Variants in IGF1R observed in about 807,000 individuals in gnomAD.
IGF1R encodes insulin-like growth factor 1 receptor.
A neutral mutation model predicts 144.6 loss-of-function variants in IGF1R; 44 were observed. The ratio of observed to expected loss-of-function variants is 0.30; its 90% CI spans 0.24 to 0.39. The LOEUF (loss-of-function observed/expected upper bound fraction) is 0.39. Ranked by LOEUF, IGF1R falls within the 10% of genes least tolerant of loss-of-function variation. IGF1R has a pLI of 1.00. For synonymous variants in IGF1R, 795 were observed against 722.8 expected, an observed-to-expected ratio of 1.10 and a Z score of -1.60; for missense variants, 1,355 against 1,833.7, an observed-to-expected ratio of 0.74 and a Z score of 4.77.
chr15:98,840,928 G>T (rs568178596), intron 2 of IGF1R, among the ~76,000 whole-genome samples: 1 of 152,222 alleles, frequency 6.6e-6, no homozygotes, highest in East Asian at 1.9e-4. Flanking sequence ...TGATCCGCCC[G>T]CCTCGGCCTC....
chr15:98,715,806 C>T (rs2054100283), intron 2 of IGF1R, among the ~76,000 whole-genome samples: 1 of 152,180 alleles, frequency 6.6e-6, no homozygotes, highest in South Asian at 2.1e-4. Context: ...GTTCCCCTGA[C>T]TTGGAGGTAG....
chr15:98,769,601 CTAGTAATT>C (rs1234559397), intron 2 of IGF1R, among the ~76,000 whole-genome samples: 2 of 152,112 alleles, frequency 1.3e-5, no homozygotes, highest in Non-Finnish European at 2.9e-5. Flanking sequence ...TGTTGTACTG[CTAGTAATT>C]AAAACTGAAG....
Position 98,649,414 on chromosome 15 carries a change from C to T in IGF1R, c.-168C>T, listed in dbSNP as rs2052283419. ...CGCCCCGTCCGCGCACCCGGAGGGC[C>T]CCGGCGGCGCCGCCTTCGGAGTATT... On this transcript the variant is annotated 5_prime_UTR_variant, in exon 1 of 21. Transcript: ENST00000650285. 4 of 418,402 alleles carry T rather than the reference C, an allele frequency of 9.6e-6. No individual in the cohort carries two copies. The highest frequency in any genetic ancestry group is 6.3e-5 in the African/African-American group (3 of 47,768). 25.9% of individuals were successfully genotyped at this position (418,402 alleles called of 1,614,324 possible).
At chr15:98,901,977 C>G (rs562481037) in intron 5 of IGF1R, among the ~76,000 whole-genome samples, 1 of 152,260 alleles carries the variant, frequency 6.6e-6, no homozygotes, top group African/African-American at 2.4e-5. Context: ...TTAGGAAGAC[C>G]ATGGAACGTA....
intron 2 of IGF1R, among the ~76,000 whole-genome samples, chr15:98,773,027 T>A (rs576324473): frequency 6.6e-6 from 1 of 152,210 alleles, no homozygotes; most frequent in Non-Finnish European, 1.5e-5. Flanking sequence ...TTTGCATGCC[T>A]CTCTTGAGTT....
intron 1 of IGF1R, among the ~76,000 whole-genome samples, chr15:98,661,955 CCTTTT>C (rs2052610056): frequency 9.2e-6 from 1 of 108,206 alleles, no homozygotes; most frequent in Admixed American, 9.6e-5. Flanking sequence ...TGAATAGGGC[CCTTTT>C]TTTTTTTTTT....
Position 98,962,433 on chromosome 15 carries a change from TC to T in IGF1R, c.*4992del. 1 of 232,526 alleles carries T rather than the reference TC, an allele frequency of 4.3e-6. No individual in the cohort carries two copies. Among genetic ancestry groups the T allele is most frequent in the East Asian group, 6.0e-5 (1 of 16,588 alleles). The allele number at this position is 232,526 out of a possible 1,614,324, so 14.4% of individuals were successfully genotyped here. Reference sequence around the variant, plus strand: ...TAAGAACCAGTGGCGAAAGACACTTTCTTTCTTCACTCTGAAGTAGCTGGTG... The same window carrying T: ...TAAGAACCAGTGGCGAAAGACACTTTTTTCTTCACTCTGAAGTAGCTGGTG... On this transcript the variant is annotated 3_prime_UTR_variant, in exon 21 of 21. Transcript: ENST00000650285.
chr15:98,707,964 A>G lies in IGF1R; in HGVS notation c.497A>G (p.Asn166Ser). Residue 166 changes from asparagine to serine, a missense_variant, in exon 2 of 21, where the codon AAT (asparagine) becomes AGT (serine). Transcript: ENST00000650285. The surrounding 1 kb of genome is among the most constrained non-coding windows in gnomAD (Gnocchi z 6.7). Reference sequence around the variant, plus strand: ...TCCCTGATCCTGGATGCGGTGTCCAATAACTACATTGTGGGGAATAAGCCC... The same window carrying G: ...TCCCTGATCCTGGATGCGGTGTCCAGTAACTACATTGTGGGGAATAAGCCC... ...DWSLILDAVSNNYIVGNKPPK... is the reference protein window; with the variant it reads ...DWSLILDAVSSNYIVGNKPPK... 1 of 1,614,124 alleles carries G rather than the reference A, an allele frequency of 6.2e-7. No individual in the cohort carries two copies. The highest frequency in any genetic ancestry group is 8.5e-7 in the Non-Finnish European group (1 of 1,180,014).
chr15:98,916,543 T>C, intron 9 of IGF1R, 129 bp from the exon 10 acceptor site: 1 of 875,272 alleles, frequency 1.1e-6, no homozygotes, highest in Non-Finnish European at 1.9e-6. Flanking sequence ...ATTATAGCCT[T>C]GAGCCACCAC....
intron 2 of IGF1R, among the ~76,000 whole-genome samples, chr15:98,761,168 A>G (rs2055286036): frequency 1.3e-5 from 2 of 152,188 alleles, no homozygotes; most frequent in Admixed American, 1.3e-4. Flanking sequence ...AGTGTTCTCC[A>G]GTAGGAGAGT....
At chr15:98,678,940 T>C (rs75904675) in intron 1 of IGF1R, among the ~76,000 whole-genome samples, 1 of 81,182 alleles carries the variant, frequency 1.2e-5, no homozygotes, top group Non-Finnish European at 3.0e-5. Context: ...TTTTTTTTTT[T>C]TGAAACAGGA....
chr15:98,737,227 G>A (rs1212423507), intron 2 of IGF1R, among the ~76,000 whole-genome samples: 1 of 152,148 alleles, frequency 6.6e-6, no homozygotes, highest in African/African-American at 2.4e-5. Flanking sequence ...ATGAGGATGG[G>A]AACAGGCGGC....
chr15:98,754,988 A>G (rs925762347), intron 2 of IGF1R, among the ~76,000 whole-genome samples: 1 of 152,310 alleles, frequency 6.6e-6, no homozygotes, highest in African/African-American at 2.4e-5. Context: ...TGTTATCGAA[A>G]CAGATATATA....
chr15:98,937,800 C>T (rs1287636857), intron 17 of IGF1R, among the ~76,000 whole-genome samples: 1 of 152,210 alleles, frequency 6.6e-6, no homozygotes, highest in Non-Finnish European at 1.5e-5. Context: ...CACTTCATAA[C>T]ACATATAGGT....
intron 7 of IGF1R, among the ~76,000 whole-genome samples, chr15:98,911,742 G>T (rs887979128): frequency 2.0e-5 from 3 of 152,172 alleles, no homozygotes; most frequent in African/African-American, 7.2e-5. Flanking sequence ...GCTTTTTCCA[G>T]AATTAGGTCA....
chr15:98,751,500 G>A (rs2055010599), intron 2 of IGF1R, among the ~76,000 whole-genome samples: 1 of 152,174 alleles, frequency 6.6e-6, no homozygotes, highest in Non-Finnish European at 1.5e-5. Flanking sequence ...TAATGGTAGT[G>A]TAAAGTGACA....
At chr15:98,950,203 C>G (rs376043266) in intron 20 of IGF1R, among the ~76,000 whole-genome samples, 31 of 152,340 alleles carry the variant, frequency 2.0e-4, no homozygotes, top group African/African-American at 5.8e-4. Flanking sequence ...CATCCACCCC[C>G]CTGGAGCCAG....
At chr15:98,665,957 G>A (rs372560306) in intron 1 of IGF1R, among the ~76,000 whole-genome samples, 4 of 152,172 alleles carry the variant, frequency 2.6e-5, no homozygotes, top group East Asian at 1.9e-4. Flanking sequence ...GGTGGTATTT[G>A]CAAGGAAAAC....
At chr15:98,837,383 A>G (rs557841998) in intron 2 of IGF1R, among the ~76,000 whole-genome samples, 2 of 152,264 alleles carry the variant, frequency 1.3e-5, no homozygotes, top group South Asian at 4.1e-4. Context: ...CTGGGATTAC[A>G]GGCAGGCACC....
Sources: allele counts gnomAD v4.1 joint callset (sites outside exome capture counted in the v4.1 genomes callset), GRCh38; gene constraint gnomAD v4.1.1; non-coding constraint Gnocchi (gnomAD v3.1); transcripts MANE v1.5; gene names NCBI Gene and HGNC (gene_info 2026-07-23, HGNC 2026-07-21).